The following APPBP2 variants were observed in gnomAD, a reference collection of about 807,000 sequenced individuals.
APPBP2 encodes amyloid beta precursor protein binding protein 2.
APPBP2 carries 15 observed loss-of-function variants against 76.0 expected under a neutral mutation model. The ratio of observed to expected loss-of-function variants is 0.20; its 90% confidence interval spans 0.13 to 0.30. The LOEUF (loss-of-function observed/expected upper bound fraction) is 0.30, where lower values mean the gene tolerates loss of function less well. Ranked by LOEUF, APPBP2 falls within the 10% of genes least tolerant of loss-of-function variation. The pLI is 1.00. For synonymous variants in APPBP2, 222 were observed against 242.2 expected, an observed-to-expected ratio of 0.92 and a Z score of 0.77; for missense variants, 401 against 687.2, an observed-to-expected ratio of 0.58 and a Z score of 4.66.
intron 1 of APPBP2, among the ~76,000 whole-genome samples, chr17:60,517,196 T>C (rs2090970157): frequency 6.6e-6 from 1 of 152,114 alleles, no homozygotes; most frequent in African/African-American, 2.4e-5. Context: ...AGGCTGGTCT[T>C]GAACTCCTGA....
chr17:60,516,078 G>A (rs750230997), intron 1 of APPBP2, among the ~76,000 whole-genome samples: 3 of 152,032 alleles, frequency 2.0e-5, no homozygotes, highest in South Asian at 4.1e-4. Flanking sequence ...AGGCAGAACT[G>A]CTTGAACCCA....
chr17:60,494,482 C>G lies in APPBP2; in HGVS notation c.363G>C (p.Gln121His). 6.2e-7 allele frequency: 1 copy of G among 1,608,114 alleles called. No individual in the cohort carries two copies. The highest frequency in any genetic ancestry group is 8.5e-7 in the Non-Finnish European group (1 of 1,178,822). Residue 121 changes from glutamine to histidine, a missense_variant, in exon 3 of 13, where the codon CAG becomes CAC. Physicochemically the swap from Gln to His is conservative, Grantham distance 24. This residue lies in a region of APPBP2 where 149 missense variants were observed against 198.4 expected (regional missense o/e 0.75). Coordinates refer to ENST00000083182, the MANE Select transcript of APPBP2 (RefSeq NM_006380.5). Reference protein sequence around the residue: ...SDAAVKEKAIQVGFVLGGFLS... With the variant: ...SDAAVKEKAIHVGFVLGGFLS... ...ATTACTTACCTAAAACAAAGCCAAC[C>G]TGAATGGCTTTTTCCTTTACTGCAG...
In APPBP2 at chr17:60,464,013, A is replaced by G. The variant is rs755450423; in HGVS notation, c.762+8T>C. The G allele has an allele frequency of 3.2e-6, 5 of 1,563,588 alleles. No individual in the cohort carries two copies. Among genetic ancestry groups the G allele is most frequent in the South Asian group, 1.2e-5 (1 of 85,900 alleles). On this transcript the variant is annotated splice_region_variant and intron_variant, in intron 6 of 12. Transcript: ENST00000083182. Reference sequence around the variant, plus strand: ...TAATTCATTTAATAATTTTAACATTATATTTACCTTAGAAGCTTGTCTTAA... The same window carrying G: ...TAATTCATTTAATAATTTTAACATTGTATTTACCTTAGAAGCTTGTCTTAA...
chr17:60,524,856 G>A (rs6503982), intron 1 of APPBP2, among the ~76,000 whole-genome samples: 12,502 of 152,160 alleles, frequency 0.082, 1,702 homozygotes, highest in African/African-American at 0.28. Context: ...TTATCGACGC[G>A]GATTCAAGAC....
chr17:60,443,804 C>A lies in APPBP2; in HGVS notation c.*3777G>T, dbSNP rs2090322513. 6.6e-6 allele frequency: 1 copy of A among 152,552 alleles called. No individual in the cohort carries two copies. The highest frequency in any genetic ancestry group is 2.4e-5 in the African/African-American group (1 of 41,410). The allele number at this position is 152,552 out of a possible 1,614,324, so 9.4% of individuals were successfully genotyped here. ...CTAAGGCCACTCATGCTATAGATAC[C>A]TAGGATTGCAATTAAAGAATAGTAT... On this transcript the variant is annotated 3_prime_UTR_variant, in exon 13 of 13. Transcript: ENST00000083182.
intron 1 of APPBP2, 36 bp from the exon 2 acceptor site, chr17:60,500,523 A>G: frequency 7.0e-7 from 1 of 1,430,186 alleles, no homozygotes; most frequent in South Asian, 1.2e-5. Context: ...AAATTTTGCA[A>G]TTTAATTCTT....
At chr17:60,475,648 TACACACACACACACACACACACACAC>T (rs72415327) in intron 4 of APPBP2, among the ~76,000 whole-genome samples, 2 of 129,192 alleles carry the variant, frequency 1.5e-5, no homozygotes, top group South Asian at 2.7e-4. Flanking sequence ...CAACTCTTTA[TACACACACACACACACACACACACAC>T]ACACACACAC....
intron 4 of APPBP2, among the ~76,000 whole-genome samples, chr17:60,467,331 A>T (rs73326457): frequency 0.082 from 12,502 of 152,216 alleles, 1,702 homozygotes; most frequent in African/African-American, 0.28. Context: ...AACAGATACA[A>T]AAAATTTATT....
At chr17:60,449,694 T>TAA (rs147725090) in intron 12 of APPBP2, among the ~76,000 whole-genome samples, 8 of 148,832 alleles carry the variant, frequency 5.4e-5, no homozygotes, top group African/African-American at 2.0e-4. Flanking sequence ...CTTCACACCA[T>TAA]AAAAAAAAAA....
At chr17:60,519,727 T>C (rs928564223) in intron 1 of APPBP2, among the ~76,000 whole-genome samples, 2 of 151,860 alleles carry the variant, frequency 1.3e-5, no homozygotes, top group Non-Finnish European at 2.9e-5. Flanking sequence ...CTGCAAAATA[T>C]TGACCCAATA....
Position 60,526,079 on chromosome 17 carries a change from T to A in APPBP2, c.-148A>T. ...CGGCAGAAGGCACGGCCGCCCTGCC[T>A]CCTCCGGGGGCAAACTGAGGGACGG... On this transcript the variant is annotated 5_prime_UTR_variant, in exon 1 of 13. Coordinates refer to ENST00000083182, the MANE Select transcript of APPBP2 (RefSeq NM_006380.5). 1 of 718,466 alleles carries A rather than the reference T, an allele frequency of 1.4e-6. No individual in the cohort carries two copies. The highest frequency in any genetic ancestry group is 1.9e-5 in the South Asian group (1 of 52,910). The allele number at this position is 718,466 out of a possible 1,614,324, so 44.5% of individuals were successfully genotyped here. A position where few individuals can be genotyped will look rare whatever the true frequency, so the allele number is the denominator to read the frequency against.
At chr17:60,525,564 A>C (rs1244417241) in intron 1 of APPBP2, among the ~76,000 whole-genome samples, 13 of 152,210 alleles carry the variant, frequency 8.5e-5, no homozygotes, top group Admixed American at 8.5e-4. Context: ...AGGGAACACC[A>C]ACAGGGAGCA....
At chr17:60,501,765 A>C (rs1371726790) in intron 1 of APPBP2, among the ~76,000 whole-genome samples, 2 of 152,232 alleles carry the variant, frequency 1.3e-5, no homozygotes, top group Non-Finnish European at 2.9e-5. Context: ...AAAGAAAACA[A>C]GGTCACTCTC....
At chr17:60,473,073 G>C (rs1266480222) in intron 4 of APPBP2, among the ~76,000 whole-genome samples, 1 of 152,060 alleles carries the variant, frequency 6.6e-6, no homozygotes, top group Admixed American at 6.5e-5. Flanking sequence ...GGAGAATTGA[G>C]CCCATTTACA....
At chr17:60,492,344 C>A (rs1249978367) in intron 3 of APPBP2, among the ~76,000 whole-genome samples, 1 of 152,230 alleles carries the variant, frequency 6.6e-6, no homozygotes, top group Admixed American at 6.5e-5. Flanking sequence ...CACTGGGGCA[C>A]TGCCTAGTGG....
chr17:60,478,914 T>TA (rs11384679), intron 4 of APPBP2, among the ~76,000 whole-genome samples: 12,483 of 151,844 alleles, frequency 0.082, 1,698 homozygotes, highest in African/African-American at 0.28. Flanking sequence ...TGTTTCAAAA[T>TA]AAAAATAAAA....
At chr17:60,464,296 A>G (rs895745288) in intron 5 of APPBP2, among the ~76,000 whole-genome samples, 186 bp from the exon 6 acceptor site, 1 of 152,204 alleles carries the variant, frequency 6.6e-6, no homozygotes, top group Non-Finnish European at 1.5e-5. Context: ...TTTACTCTTA[A>G]TATCTATAGC....
intron 1 of APPBP2, among the ~76,000 whole-genome samples, chr17:60,510,018 C>T (rs909696974): frequency 2.0e-5 from 3 of 150,682 alleles, no homozygotes; most frequent in African/African-American, 5.0e-5. Context: ...TAAATGTATC[C>T]TTTACCTCTA....
intron 2 of APPBP2, among the ~76,000 whole-genome samples, chr17:60,495,504 C>T (rs779456107): frequency 2.0e-5 from 3 of 150,728 alleles, no homozygotes; most frequent in Non-Finnish European, 4.4e-5. Flanking sequence ...CAAGGTCCTG[C>T]TCTGTCATCC....
Sources: gnomAD v4.1 joint callset for allele counts (sites outside exome capture counted in the v4.1 genomes callset) on GRCh38, gnomAD v4.1.1 for gene constraint, gnomAD v4.1.1 regional missense constraint, MANE v1.5 for transcripts, NCBI Gene and HGNC (gene_info 2026-07-23, HGNC 2026-07-21) for gene names.